PCDH9: variants seen among roughly 807,000 people sequenced by gnomAD.
PCDH9 encodes the protein protocadherin 9.
Under a neutral mutation model 70.6 loss-of-function variants are expected in PCDH9, and 24 were observed. That is an observed-to-expected ratio of 0.34 (90% CI 0.25 to 0.48). The LOEUF is 0.48. PCDH9 is among the 20% of genes least tolerant of loss of function. The pLI, the probability that PCDH9 is intolerant of heterozygous loss-of-function variation, is 0.99. For synonymous variants in PCDH9, 562 were observed against 558.5 expected (o/e 1.01, Z -0.09); for missense variants, 1,281 against 1,503.6 (o/e 0.85, Z 2.45).
intron 4 of PCDH9, among the ~76,000 whole-genome samples, chr13:66,453,245 T>A (rs1018432231): frequency 3.9e-5 from 6 of 152,104 alleles, no homozygotes; most frequent in Non-Finnish European, 8.8e-5. Flanking sequence ...ATCTCAGAAT[T>A]TCCTTTTCTT....
intron 3 of PCDH9, among the ~76,000 whole-genome samples, chr13:66,806,881 G>A (rs192545554): frequency 9.9e-5 from 15 of 152,202 alleles, no homozygotes; most frequent in African/African-American, 1.9e-4. Flanking sequence ...CTTTTCAAAC[G>A]GAAAACAGGG....
chr13:66,332,809 C>T (rs1310592051), intron 4 of PCDH9, among the ~76,000 whole-genome samples: 1 of 149,290 alleles, frequency 6.7e-6, no homozygotes, highest in African/African-American at 2.5e-5. Context: ...TAAAGAAAGG[C>T]ATATATATAT....
intron 4 of PCDH9, among the ~76,000 whole-genome samples, chr13:66,554,146 C>T (rs1331912626): frequency 1.3e-5 from 2 of 152,084 alleles, no homozygotes; most frequent in Admixed American, 1.3e-4. Flanking sequence ...ACCTTAACAA[C>T]CCTTCTAGAG....
chr13:66,821,543 T>G (rs1209568439), intron 3 of PCDH9, among the ~76,000 whole-genome samples: 3 of 152,160 alleles, frequency 2.0e-5, no homozygotes, highest in Non-Finnish European at 4.4e-5. Flanking sequence ...AAGTCAGTAT[T>G]TTAAATGGTA....
At chr13:66,986,734 T>C (rs868053420) in intron 2 of PCDH9, among the ~76,000 whole-genome samples, 3 of 152,026 alleles carry the variant, frequency 2.0e-5, no homozygotes, top group South Asian at 4.1e-4. Flanking sequence ...TAAAAATAGA[T>C]AGGAAGATAT....
chr13:66,711,327 TTCCAAG>T (rs1303215460), intron 3 of PCDH9, among the ~76,000 whole-genome samples: 3 of 152,038 alleles, frequency 2.0e-5, no homozygotes, highest in Admixed American at 6.6e-5. Context: ...CTATGTTTGG[TTCCAAG>T]TTTGTGTACT....
chr13:67,025,077 T>C (rs2084753294), intron 2 of PCDH9, among the ~76,000 whole-genome samples: 2 of 152,268 alleles, frequency 1.3e-5, no homozygotes, highest in South Asian at 2.1e-4. Context: ...TTATTATTTA[T>C]AAATTGGGAG....
chr13:66,519,544 T>C (rs938615844), intron 4 of PCDH9, among the ~76,000 whole-genome samples: 14 of 151,912 alleles, frequency 9.2e-5, no homozygotes, highest in Non-Finnish European at 1.2e-4. Flanking sequence ...AATAAATGAG[T>C]TAGTCTAGAG....
chr13:66,993,502 G>T (rs2084044607), intron 2 of PCDH9, among the ~76,000 whole-genome samples: 1 of 152,130 alleles, frequency 6.6e-6, no homozygotes, highest in Non-Finnish European at 1.5e-5. Context: ...AGGGAATGGG[G>T]AGGCTGAATT....
At chr13:66,708,294 C>T (rs954508542) in intron 3 of PCDH9, among the ~76,000 whole-genome samples, 1 of 151,994 alleles carries the variant, frequency 6.6e-6, no homozygotes, top group African/African-American at 2.4e-5. Flanking sequence ...CGTGATCCGC[C>T]CGCCTCGGCC....
intron 2 of PCDH9, among the ~76,000 whole-genome samples, chr13:67,126,268 A>G (rs2086978136): frequency 6.6e-6 from 1 of 152,164 alleles, no homozygotes; most frequent in South Asian, 2.1e-4. Flanking sequence ...TATTCTCATA[A>G]ATAGAGTGAA....
At chr13:66,443,369 A>G (rs1231790446) in intron 4 of PCDH9, among the ~76,000 whole-genome samples, 1 of 152,164 alleles carries the variant, frequency 6.6e-6, no homozygotes, top group Non-Finnish European at 1.5e-5. Flanking sequence ...AATTCTGACA[A>G]TTTTTGGAAC....
chr13:66,751,803 C>T (rs1433574013), intron 3 of PCDH9, among the ~76,000 whole-genome samples: 1 of 152,144 alleles, frequency 6.6e-6, no homozygotes, highest in African/African-American at 2.4e-5. Flanking sequence ...TGACTGTTGG[C>T]TACCATACCA....
chr13:66,614,013 G>T (rs1204543725), intron 4 of PCDH9, among the ~76,000 whole-genome samples: 1 of 152,052 alleles, frequency 6.6e-6, no homozygotes, highest in Non-Finnish European at 1.5e-5. Flanking sequence ...GAGACATGTG[G>T]AAGTAACCAC....
chr13:66,641,354 G>A (rs116976359), intron 3 of PCDH9, among the ~76,000 whole-genome samples: 2,333 of 152,312 alleles, frequency 0.015, 31 homozygotes, highest in Middle Eastern at 0.054. Context: ...AAGCAGTCAC[G>A]TTAAAGAACT....
At chr13:66,859,453 A>G (rs748527089) in intron 3 of PCDH9, among the ~76,000 whole-genome samples, 2 of 152,174 alleles carry the variant, frequency 1.3e-5, no homozygotes, top group Non-Finnish European at 2.9e-5. Flanking sequence ...TAGGTTGATT[A>G]ATTGTATTTA....
intron 2 of PCDH9, chr13:67,213,554 G>A (rs1200591407): frequency 6.6e-6 from 1 of 151,894 alleles, no homozygotes; most frequent in Non-Finnish European, 1.5e-5. Context: ...ACCCTAAGAG[G>A]TCTGATATTC....
intron 2 of PCDH9, chr13:67,219,226 G>A (rs1351694531): frequency 6.6e-6 from 1 of 151,990 alleles, no homozygotes; most frequent in African/African-American, 2.4e-5. Flanking sequence ...AATTTAATGA[G>A]TCTTGGCTTA....
chr13:66,625,422 T>C (rs2077485225), intron 4 of PCDH9, among the ~76,000 whole-genome samples: 1 of 152,096 alleles, frequency 6.6e-6, no homozygotes. Context: ...TGGAGGGAAG[T>C]TCTTCACATA....
Sources: gnomAD v4.1 joint callset for allele counts (sites outside exome capture counted in the v4.1 genomes callset) on GRCh38, gnomAD v4.1.1 for gene constraint, MANE v1.5 for transcripts, NCBI Gene and HGNC (gene_info 2026-07-23, HGNC 2026-07-21) for gene names.